The following ZNF726 variants were observed in gnomAD, a reference collection of about 807,000 sequenced individuals.
ZNF726 encodes the protein zinc finger protein 92 pseudogene 3.
A neutral mutation model predicts 11.6 loss-of-function variants in ZNF726; 15 were observed. The observed-to-expected ratio is 1.29, with a 90% CI of 0.86 to 1.99. ZNF726 has a LOEUF of 1.99. Among genes scored for constraint, ZNF726 ranks in the 30% most tolerant of loss-of-function variants. The pLI is 0.00. For missense variants in ZNF726, 890 were observed against 725.6 expected (o/e 1.23, Z -2.60); for synonymous variants, 295 against 243.6 (o/e 1.21, Z -1.96).
At chr19:23,923,551 A>G (rs1419072831) in intron 3 of ZNF726, 4 of 207,120 alleles carry the variant, frequency 1.9e-5, no homozygotes, top group East Asian at 1.7e-4. Context: ...AGCTGGGACT[A>G]TAGGTGCCGA....
chr19:23,935,245 C>G (rs1378043144), downstream of ZNF726: 2 of 466,246 alleles, frequency 4.3e-6, no homozygotes, highest in South Asian at 1.5e-5. Flanking sequence ...TTTAACCTGT[C>G]TTCAACTTTT....
chr19:23,924,936 A>G (rs1479953323), intron 3 of ZNF726, among the ~76,000 whole-genome samples: 1 of 152,170 alleles, frequency 6.6e-6, no homozygotes, highest in African/African-American at 2.4e-5. Context: ...GTATATTCAC[A>G]TTGTTATGCA....
rs111606101 is a variant in ZNF726, at chr19:23,940,246, A to T, written c.227-3248A>T. Among the ~76,000 whole-genome samples, 1,055 of 152,258 alleles carry T rather than the reference A, an allele frequency of 6.9e-3. 14 individuals are homozygous for T. The highest frequency in any genetic ancestry group is 0.024 in the African/African-American group (996 of 41,540). On this transcript the variant is annotated intron_variant, in intron 3 of 4. Coordinates refer to the ZNF726 transcript ENST00000334589. ...TTCTCCTACATGTGGCTAGCCAATT[A>T]TCCCAGCACCATTTGTTGAAAAGGG...
At chr19:23,921,754 ATTAGT>A (rs1453049244) in intron 3 of ZNF726, among the ~76,000 whole-genome samples, 5 of 152,176 alleles carry the variant, frequency 3.3e-5, no homozygotes, top group Non-Finnish European at 4.4e-5. Flanking sequence ...GAGTGTATTA[ATTAGT>A]TTAAAGAGGT....
chr19:23,919,723 G>T, intron 2 of ZNF726: 1 of 537,402 alleles, frequency 1.9e-6, no homozygotes, highest in Non-Finnish European at 2.9e-6. Flanking sequence ...GGTAATTTCA[G>T]AACCTTAGTG....
chr19:23,933,290 A>G lies in ZNF726; in HGVS notation c.1174A>G (p.Thr392Ala), dbSNP rs771236206. 1 of 1,613,320 alleles carries G rather than the reference A, an allele frequency of 6.2e-7. No individual in the cohort carries two copies. The highest frequency in any genetic ancestry group is 2.2e-5 in the East Asian group (1 of 44,854). The change falls in exon 4 of 4, where the codon ACT (threonine) becomes GCT (alanine). Residue 392 changes from threonine (T) to alanine (A), a missense_variant. Thr to Ala is a moderately conservative substitution (Grantham distance 58). Coordinates refer to ENST00000594466, the MANE Select transcript of ZNF726 (RefSeq NM_001244038.2). ...CCTAACTAAACATAAGAGGATTCACACTGGAGAGAAACCCTACAAATGTGA... is the reference window on the plus strand; with the variant it reads ...CCTAACTAAACATAAGAGGATTCACGCTGGAGAGAAACCCTACAAATGTGA... ...STLTKHKRIH[T>A]GEKPYKCEEC... is the part of the protein sequence containing the mutation.
chr19:23,919,928 C>G, intron 2 of ZNF726, 59 bp from the exon 3 acceptor site: 1 of 1,215,626 alleles, frequency 8.2e-7, no homozygotes, highest in South Asian at 1.3e-5. Context: ...TTGCACATTA[C>G]TAAGTTGGTA....
intron 3 of ZNF726, among the ~76,000 whole-genome samples, chr19:23,925,717 T>A (rs965771280): frequency 6.8e-6 from 1 of 147,950 alleles, no homozygotes; most frequent in East Asian, 1.9e-4. Flanking sequence ...TCTTTTCTTT[T>A]TTTTTTTTTT....
At chr19:23,920,155 T>G (rs567430174) in intron 3 of ZNF726, 73 bp downstream of exon 3, 1 of 1,116,036 alleles carries the variant, frequency 9.0e-7, no homozygotes, top group African/African-American at 1.6e-5. Flanking sequence ...GTCTTTAAAG[T>G]GATTTGGAAA....
chr19:23,925,719 T>C (rs913486160), intron 3 of ZNF726, among the ~76,000 whole-genome samples: 12 of 148,848 alleles, frequency 8.1e-5, no homozygotes, highest in African/African-American at 2.7e-4. Context: ...TTTTCTTTTT[T>C]TTTTTTTTTT....
chr19:23,915,140 C>T, intron 1 of ZNF726, 143 bp downstream of exon 1: 2 of 1,280,302 alleles, frequency 1.6e-6, no homozygotes, highest in South Asian at 2.6e-5. Flanking sequence ...GCCTCAGTCC[C>T]TTCAGCCTTA....
At chr19:23,931,269 A>T (rs561324429) in intron 3 of ZNF726, among the ~76,000 whole-genome samples, 1 of 152,296 alleles carries the variant, frequency 6.6e-6, no homozygotes, top group South Asian at 2.1e-4. Flanking sequence ...ACCGCTCCCC[A>T]GCCAAAACCG....
chr19:23,932,451 A>T lies in ZNF726; in HGVS notation c.335A>T (p.Gln112Leu). ...RFEKCGHENL[Q>L]LRKGCKSVDE... is the part of the protein sequence containing the mutation. ...GAAAAATGTGGACATGAGAATTTACAGTTAAGAAAAGGTTGTAAAAGTGTG... is the reference window on the plus strand; with the variant it reads ...GAAAAATGTGGACATGAGAATTTACTGTTAAGAAAAGGTTGTAAAAGTGTG... Residue 112 changes from glutamine (Q) to leucine (L), a missense_variant, in exon 4 of 4, where the codon CAG (glutamine) becomes CTG (leucine). Coordinates refer to ENST00000594466, the MANE Select transcript of ZNF726 (RefSeq NM_001244038.2). 1 of 1,574,038 alleles carries T rather than the reference A, an allele frequency of 6.4e-7. No homozygotes were observed. The highest frequency in any genetic ancestry group is 1.2e-5 in the South Asian group (1 of 81,916).
chr19:23,930,223 A>C (rs1391031828), intron 3 of ZNF726, among the ~76,000 whole-genome samples: 13 of 151,976 alleles, frequency 8.6e-5, no homozygotes, highest in Admixed American at 8.5e-4. Context: ...GGTTAGAAAT[A>C]TTTTTTCCTT....
At chr19:23,942,653 C>T (rs947647662) in intron 3 of ZNF726, among the ~76,000 whole-genome samples, 1 of 152,136 alleles carries the variant, frequency 6.6e-6, no homozygotes, top group African/African-American at 2.4e-5. Context: ...GTGTTAGGTG[C>T]ATATATGTTT....
At chr19:23,927,447 G>T (rs1252143123) in intron 3 of ZNF726, among the ~76,000 whole-genome samples, 1 of 152,032 alleles carries the variant, frequency 6.6e-6, no homozygotes, top group East Asian at 1.9e-4. Flanking sequence ...ACAACACAAA[G>T]TGTGTAATTT....
intron 3 of ZNF726, chr19:23,921,332 A>T (rs538094651): frequency 6.6e-6 from 1 of 152,402 alleles, no homozygotes; most frequent in African/African-American, 2.4e-5. Flanking sequence ...ATAAAGTATA[A>T]TGTCCTTCTG....
chr19:23,914,909 C>T lies in ZNF726; in HGVS notation c.-86C>T, dbSNP rs1348514395. On this transcript the variant is annotated 5_prime_UTR_variant, in exon 1 of 4. Coordinates refer to ENST00000594466, the MANE Select transcript of ZNF726 (RefSeq NM_001244038.2). ...TTGTCTCTATCTGCGGCCGGAGCTC[C>T]AGGTCTCGTCCTCACTACTCTGTGT... 6.3e-7 allele frequency: 1 copy of T among 1,590,066 alleles called. No homozygotes were observed. Among genetic ancestry groups the T allele is most frequent in the African/African-American group, 1.3e-5 (1 of 74,420 alleles).
At chr19:23,930,971 C>T (rs181034157) in intron 3 of ZNF726, among the ~76,000 whole-genome samples, 1 of 152,074 alleles carries the variant, frequency 6.6e-6, no homozygotes, top group African/African-American at 2.4e-5. Flanking sequence ...CCAATTTTTC[C>T]TTCTTTTTTT....
Sources: allele counts gnomAD v4.1 joint callset (sites outside exome capture counted in the v4.1 genomes callset), GRCh38; gene constraint gnomAD v4.1.1; transcripts MANE v1.5; gene names NCBI Gene and HGNC (gene_info 2026-07-23, HGNC 2026-07-21).